Variants in OR6N1 observed in about 807,000 individuals in gnomAD.
OR6N1 encodes the protein olfactory receptor family 6 subfamily N member 1.
For missense variants in OR6N1, 394 were observed against 371.7 expected (o/e 1.06, Z -0.49); for synonymous variants, 170 against 150.7 (o/e 1.13, Z -0.94).
At chr1:158,799,367 G>A in the OR6N1 span, among the ~76,000 whole-genome samples, 1 of 152,150 alleles carries the variant, frequency 6.6e-6, no homozygotes, top group Non-Finnish European at 1.5e-5. Flanking sequence ...TATAAATCGT[G>A]TTTAAAAGGA....
chr1:158,798,592 A>G, the OR6N1 span, among the ~76,000 whole-genome samples: 1 of 151,926 alleles, frequency 6.6e-6, no homozygotes, highest in Non-Finnish European at 1.5e-5. Flanking sequence ...ATATTATATT[A>G]ATATTATTAA....
chr1:158,822,640 C>T, the OR6N1 span, among the ~76,000 whole-genome samples: 1 of 152,154 alleles, frequency 6.6e-6, no homozygotes, highest in Non-Finnish European at 1.5e-5. Flanking sequence ...CGTATACAAT[C>T]ATGCTTTCTG....
At chr1:158,822,519 A>G in the OR6N1 span, among the ~76,000 whole-genome samples, 2 of 152,186 alleles carry the variant, frequency 1.3e-5, no homozygotes, top group Non-Finnish European at 2.9e-5. Flanking sequence ...TTGTTGGTAT[A>G]CAGGTATGCT....
At chr1:158,825,696 T>TC in the OR6N1 span, among the ~76,000 whole-genome samples, 3 of 152,198 alleles carry the variant, frequency 2.0e-5, no homozygotes, top group African/African-American at 7.2e-5. Context: ...ATTAGTTCAG[T>TC]CATTGTGAAA....
chr1:158,769,605 C>A (rs150714034), intron 1 of OR6N1, among the ~76,000 whole-genome samples: 1 of 152,148 alleles, frequency 6.6e-6, no homozygotes, highest in Non-Finnish European at 1.5e-5. Flanking sequence ...CTCCTTCTGC[C>A]CTCCGGTCTT....
the OR6N1 span, among the ~76,000 whole-genome samples, chr1:158,822,237 AAG>A: frequency 6.6e-6 from 1 of 152,128 alleles, no homozygotes; most frequent in South Asian, 2.1e-4. Flanking sequence ...TAGTTCTGTG[AAG>A]AGTGTCATAG....
At chr1:158,803,005 A>T in the OR6N1 span, among the ~76,000 whole-genome samples, 1 of 152,208 alleles carries the variant, frequency 6.6e-6, no homozygotes, top group Admixed American at 6.5e-5. Context: ...TTTATCTATC[A>T]GAAGTAAGGT....
chr1:158,797,727 ATAT>A, the OR6N1 span, among the ~76,000 whole-genome samples: 54 of 152,162 alleles, frequency 3.5e-4, no homozygotes, highest in African/African-American at 1.3e-3. Flanking sequence ...TTAATGAATG[ATAT>A]TATCATCTAT....
At chr1:158,782,400 T>A in the OR6N1 span, among the ~76,000 whole-genome samples, 2 of 152,214 alleles carry the variant, frequency 1.3e-5, no homozygotes, top group African/African-American at 2.4e-5. Context: ...ATATTTGGGT[T>A]GCTTTGAGAA....
the OR6N1 span, among the ~76,000 whole-genome samples, chr1:158,802,647 C>T: frequency 2.0e-5 from 3 of 152,096 alleles, no homozygotes; most frequent in Non-Finnish European, 2.9e-5. Context: ...ATCACTTTTG[C>T]GCTTACCATC....
the OR6N1 span, among the ~76,000 whole-genome samples, chr1:158,791,808 C>G: frequency 6.6e-6 from 1 of 152,160 alleles, no homozygotes; most frequent in African/African-American, 2.4e-5. Context: ...TCTTTTCTGG[C>G]CTATCATATA....
chr1:158,819,785 T>C, the OR6N1 span, among the ~76,000 whole-genome samples: 1 of 152,178 alleles, frequency 6.6e-6, no homozygotes, highest in Non-Finnish European at 1.5e-5. Flanking sequence ...CATGACTCAC[T>C]CTCAGACACT....
chr1:158,799,230 A>G, the OR6N1 span, among the ~76,000 whole-genome samples: 4 of 152,360 alleles, frequency 2.6e-5, no homozygotes, highest in Middle Eastern at 3.4e-3. Flanking sequence ...GCTTAAAAAG[A>G]CTGTATGATT....
the OR6N1 span, among the ~76,000 whole-genome samples, chr1:158,819,861 C>A: frequency 2.0e-5 from 3 of 152,264 alleles, no homozygotes; most frequent in African/African-American, 7.2e-5. Flanking sequence ...AGTCAAAAAA[C>A]TTTGCGCCGA....
the OR6N1 span, among the ~76,000 whole-genome samples, chr1:158,779,251 A>G: frequency 6.6e-6 from 1 of 152,170 alleles, no homozygotes; most frequent in East Asian, 1.9e-4. Flanking sequence ...TTAAATGCAT[A>G]AAATGGCAAC....
chr1:158,779,199 A>G, the OR6N1 span, among the ~76,000 whole-genome samples: 4 of 152,196 alleles, frequency 2.6e-5, no homozygotes, highest in Admixed American at 2.6e-4. Context: ...AATGTGTAAC[A>G]GATGCAAAAA....
the OR6N1 span, among the ~76,000 whole-genome samples, chr1:158,785,771 T>C: frequency 3.3e-5 from 5 of 152,174 alleles, no homozygotes; most frequent in Admixed American, 3.3e-4. Flanking sequence ...GTACTGAGAA[T>C]ACAATTTATC....
upstream of OR6N1, chr1:158,777,057 A>C (rs16841094): frequency 1.2e-6 from 2 of 1,614,020 alleles, no homozygotes; most frequent in East Asian, 4.5e-5. Flanking sequence ...GAATGTTAGC[A>C]GATGTGTCCT....
chr1:158,787,267 A>C, the OR6N1 span, among the ~76,000 whole-genome samples: 4 of 152,114 alleles, frequency 2.6e-5, no homozygotes, highest in South Asian at 8.3e-4. Context: ...AAGGCTCACC[A>C]GAAGCTGAGC....
Sources: allele counts gnomAD v4.1 joint callset (sites outside exome capture counted in the v4.1 genomes callset), GRCh38; gene constraint gnomAD v4.1.1; transcripts MANE v1.5; gene names NCBI Gene and HGNC (gene_info 2026-07-23, HGNC 2026-07-21).